Variants in KAT6A observed in about 807,000 individuals in gnomAD.
The protein encoded by KAT6A is histone acetyltransferase KAT6A.
KAT6A carries 9 observed loss-of-function variants against 198.4 expected under a neutral mutation model. That is an observed-to-expected ratio of 0.05 (90% CI 0.03 to 0.08). KAT6A has a LOEUF of 0.08. Among genes scored for constraint, KAT6A ranks in the 10% least tolerant of loss-of-function variants. The pLI is 1.00. For synonymous variants in KAT6A, 890 were observed against 883.0 expected, an observed-to-expected ratio of 1.01 and a Z score of -0.14; for missense variants, 2,077 against 2,509.9, an observed-to-expected ratio of 0.83 and a Z score of 3.69.
At chr8:41,998,018 A>C (rs1186463846) in intron 2 of KAT6A, among the ~76,000 whole-genome samples, 1 of 152,180 alleles carries the variant, frequency 6.6e-6, no homozygotes, top group Admixed American at 6.5e-5. Flanking sequence ...ACTGGGCATG[A>C]GGAAAACGAG....
chr8:42,030,038 C>A (rs1207938626), intron 2 of KAT6A, among the ~76,000 whole-genome samples: 1 of 152,132 alleles, frequency 6.6e-6, no homozygotes, highest in Non-Finnish European at 1.5e-5. Flanking sequence ...TGGATGGACA[C>A]AGGAACATGT....
rs1821556132 is a variant in KAT6A at position 41,931,772 on chromosome 8, G to C, written c.*433C>G. On this transcript the variant is annotated 3_prime_UTR_variant, in exon 17 of 17. Transcript: ENST00000265713. ...AGGTTGGGTTTGGAGGAAAGGGTCT[G>C]GTTAACCCTTGAGATGTATATAACA... is the stretch of plus-strand genomic sequence containing the variant. 1 of 206,810 alleles carries C rather than the reference G, an allele frequency of 4.8e-6. No homozygotes were observed. The highest frequency in any genetic ancestry group is 7.4e-5 in the East Asian group (1 of 13,456). The allele number at this position is 206,810 out of a possible 1,614,324, so 12.8% of individuals were successfully genotyped here.
intron 2 of KAT6A, among the ~76,000 whole-genome samples, chr8:41,995,537 C>G (rs1237397980): frequency 6.6e-6 from 1 of 152,112 alleles, no homozygotes; most frequent in South Asian, 2.1e-4. Flanking sequence ...AAATTTTGCC[C>G]AATGCTCTCT....
chr8:41,967,278 T>A (rs1370171996), intron 8 of KAT6A, among the ~76,000 whole-genome samples: 1 of 148,640 alleles, frequency 6.7e-6, no homozygotes, highest in Non-Finnish European at 1.5e-5. Flanking sequence ...AAAAAAAATT[T>A]ATTTATTTAT....
intron 2 of KAT6A, among the ~76,000 whole-genome samples, chr8:42,007,623 C>A (rs1825811758): frequency 6.6e-6 from 1 of 152,080 alleles, no homozygotes; most frequent in South Asian, 2.1e-4. Context: ...AACTTTAAAA[C>A]ACAGCAAAGG....
intron 2 of KAT6A, among the ~76,000 whole-genome samples, chr8:42,020,822 A>G (rs1216312950): frequency 2.0e-5 from 3 of 152,204 alleles, no homozygotes; most frequent in Non-Finnish European, 2.9e-5. Context: ...GTGCTATACA[A>G]CACAGTGCTT....
chr8:41,996,719 C>G (rs184807605), intron 2 of KAT6A, among the ~76,000 whole-genome samples: 3 of 152,290 alleles, frequency 2.0e-5, no homozygotes, highest in African/African-American at 7.2e-5. Flanking sequence ...TGCAAGAAGG[C>G]CCTCACAGAG....
At chr8:41,946,487 T>C in intron 12 of KAT6A, 104 bp downstream of exon 12, 1 of 448,878 alleles carries the variant, frequency 2.2e-6, no homozygotes, top group Non-Finnish European at 3.7e-6. Flanking sequence ...TTTAAATATA[T>C]ATATATACAC....
chr8:42,005,273 A>G (rs1825683058), intron 2 of KAT6A, among the ~76,000 whole-genome samples: 2 of 152,242 alleles, frequency 1.3e-5, no homozygotes, highest in African/African-American at 4.8e-5. Flanking sequence ...ACACAAAAGC[A>G]TACTCTAAGT....
chr8:41,993,858 C>T (rs1825062206), intron 2 of KAT6A, among the ~76,000 whole-genome samples: 1 of 152,124 alleles, frequency 6.6e-6, no homozygotes, highest in Non-Finnish European at 1.5e-5. Context: ...CACTCTCATT[C>T]CCAAACTATT....
At chr8:41,979,656 T>A (rs1824248723) in intron 5 of KAT6A, among the ~76,000 whole-genome samples, 1 of 151,894 alleles carries the variant, frequency 6.6e-6, no homozygotes, top group Non-Finnish European at 1.5e-5. Flanking sequence ...AAAGTGGGTA[T>A]TTATTCTTTA....
At position 41,946,672 on chromosome 8, in the gene KAT6A, G is replaced by T; in HGVS notation, c.1915C>A (p.Gln639Lys). The change falls in exon 12 of 17, where the codon CAA (glutamine) becomes AAA (lysine). Residue 639 changes from glutamine (Q) to lysine (K), a missense_variant. By Grantham distance (53) the Gln-to-Lys change is moderately conservative (BLOSUM62 1). Coordinates refer to ENST00000265713, the MANE Select transcript of KAT6A (RefSeq NM_006766.5). ...VGYFSKEKHC[Q>K]QKYNVSCIMI... Reference sequence around the variant, plus strand: ...ATACAGGAAACATTGTACTTCTGTTGGCAGTGCTTTTCCTGGTGGAGAAAA... The same window carrying T: ...ATACAGGAAACATTGTACTTCTGTTTGCAGTGCTTTTCCTGGTGGAGAAAA... The T allele has an allele frequency of 6.3e-7, 1 of 1,597,750 alleles. No individual in the cohort carries two copies. Among genetic ancestry groups the T allele is most frequent in the Non-Finnish European group, 8.6e-7 (1 of 1,165,284 alleles).
intron 1 of KAT6A, among the ~76,000 whole-genome samples, chr8:42,050,378 C>T (rs1386632829): frequency 6.6e-6 from 1 of 152,204 alleles, no homozygotes; most frequent in East Asian, 1.9e-4. Context: ...ATAAGTTTAA[C>T]TGAAGTGTTT....
intron 11 of KAT6A, among the ~76,000 whole-genome samples, chr8:41,947,464 CTGTT>C (rs1822455207): frequency 1.3e-5 from 2 of 152,186 alleles, no homozygotes; most frequent in African/African-American, 4.8e-5. Flanking sequence ...GAGCTAATGA[CTGTT>C]TATTTCAGAA....
intron 6 of KAT6A, among the ~76,000 whole-genome samples, chr8:41,977,975 A>C (rs1824145310): frequency 6.6e-6 from 1 of 152,238 alleles, no homozygotes; most frequent in Admixed American, 6.5e-5. Context: ...ACAAGCCTGA[A>C]GACGTTTACA....
In KAT6A at chr8:41,933,716, C is replaced by A. The variant is rs149043274; in HGVS notation, c.4504G>T (p.Val1502Leu). Residue 1502 changes from valine to leucine, a missense_variant, in exon 17 of 17, where the codon GTG (valine) becomes TTG (leucine). Val to Leu is a conservative substitution (Grantham distance 32). Around this residue, in one of 13 missense-constraint regions of KAT6A, gnomAD observed 178 missense variants for 220.8 expected, o/e 0.81. Transcript: ENST00000265713. This position sits in a 1 kb window ranked among gnomAD's most constrained non-coding sequence, Gnocchi z 6.2. ...QSVRSVSSPN[V>L]PALESGYTQI... is the part of the protein sequence containing the mutation. ...GTGTAGCCACTCTCAAGGGCAGGCA[C>A]GTTGGGACTGCTGACCGAACGGACT... is the stretch of plus-strand genomic sequence containing the variant. 9.9e-6 allele frequency: 16 copies of A among 1,613,938 alleles called. No individual in the cohort carries two copies. Among genetic ancestry groups the A allele is most frequent in the Non-Finnish European group, 1.3e-5 (15 of 1,180,024 alleles).
chr8:42,048,333 C>T, intron 2 of KAT6A, 45 bp downstream of exon 2: 1 of 1,587,276 alleles, frequency 6.3e-7, no homozygotes, highest in South Asian at 1.1e-5. Flanking sequence ...TTGTAGCATC[C>T]TATATCATCA....
intron 2 of KAT6A, among the ~76,000 whole-genome samples, chr8:41,988,982 C>G (rs1824770419): frequency 6.6e-6 from 1 of 152,048 alleles, no homozygotes; most frequent in Non-Finnish European, 1.5e-5. Flanking sequence ...CTGGGGAGAA[C>G]AGATAAAGTA....
At chr8:41,990,769 G>A (rs1454659116) in intron 2 of KAT6A, among the ~76,000 whole-genome samples, 9 of 152,206 alleles carry the variant, frequency 5.9e-5, no homozygotes, top group Middle Eastern at 3.4e-3. Flanking sequence ...CAAGGCGGGC[G>A]GATCACAAGG....
Sources: allele counts gnomAD v4.1 joint callset (sites outside exome capture counted in the v4.1 genomes callset), GRCh38; gene constraint gnomAD v4.1.1; regional missense constraint gnomAD v4.1.1; non-coding constraint Gnocchi (gnomAD v3.1); transcripts MANE v1.5; gene names NCBI Gene and HGNC (gene_info 2026-07-23, HGNC 2026-07-21).